The following TOX2 variants were observed in gnomAD, a reference collection of about 807,000 sequenced individuals.
The protein encoded by TOX2 is TOX high mobility group box family member 2.
In TOX2, 15 loss-of-function variants were observed where a neutral mutation model predicts 47.4. The observed-to-expected ratio is 0.32, with a 90% CI of 0.21 to 0.49. The LOEUF is 0.49. TOX2 is among the 20% of genes least tolerant of loss of function. TOX2 has a pLI of 0.99. For missense variants in TOX2, 622 were observed against 673.1 expected, an observed-to-expected ratio of 0.92 and a Z score of 0.84; for synonymous variants, 290 against 296.6, an observed-to-expected ratio of 0.98 and a Z score of 0.23.
At chr20:44,031,409 C>T (rs1366061435) in intron 3 of TOX2, among the ~76,000 whole-genome samples, 1 of 152,106 alleles carries the variant, frequency 6.6e-6, no homozygotes, top group Non-Finnish European at 1.5e-5. Context: ...AGTGGGTGAG[C>T]GCATTAGTAG....
In TOX2 at chr20:43,973,539, G is replaced by A. The variant is rs145184179; in HGVS notation, c.165+107G>A. ...GTGCAGAATGGGGCCAGCACAGCCCGCTGCTGTCTTCTCTCTGAATGATCA... is the reference window on the plus strand; with the variant it reads ...GTGCAGAATGGGGCCAGCACAGCCCACTGCTGTCTTCTCTCTGAATGATCA... On this transcript the variant is annotated intron_variant, in intron 2 of 8. Transcript: ENST00000341197. 1.8e-3 allele frequency: 1,547 copies of A among 878,032 alleles called. 4 individuals carry two copies. The highest frequency in any genetic ancestry group is 2.2e-3 in the Middle Eastern group (7 of 3,188). The allele number at this position is 878,032 out of a possible 1,614,324, so 54.4% of individuals were successfully genotyped here. A position where few individuals can be genotyped will look rare whatever the true frequency, so the allele number is the denominator to read the frequency against.
chr20:43,955,178 C>T lies in TOX2; in HGVS notation c.100-18189C>T, dbSNP rs1206234131. 4.3e-6 allele frequency: 4 copies of T among 938,954 alleles called. No homozygotes were observed. The African/African-American group carries it at 7.1e-5, about 17-fold the overall frequency. The allele number at this position is 938,954 out of a possible 1,614,324, so 58.2% of individuals were successfully genotyped here. The stretch of plus-strand genomic sequence containing the variant: ...GCCTGAGGCTCCACTGAAGCTATGG[C>T]ATAATTTGCAGAATTTGCACTTCAT... On this transcript the variant is annotated intron_variant, in intron 1 of 8. Coordinates refer to ENST00000341197, the MANE Select transcript of TOX2 (RefSeq NM_001098797.2).
chr20:44,038,927 G>A (rs1331118744), intron 3 of TOX2: 34 of 1,182,206 alleles, frequency 2.9e-5, no homozygotes, highest in Non-Finnish European at 3.5e-5. Flanking sequence ...TACATTCACA[G>A]CCGCCTCGTT....
intron 8 of TOX2, among the ~76,000 whole-genome samples, chr20:44,067,630 C>T (rs1411745799): frequency 1.3e-5 from 2 of 152,070 alleles, no homozygotes; most frequent in Non-Finnish European, 2.9e-5. Flanking sequence ...TGTCTCAGGC[C>T]TCTGTTCCTA....
intron 1 of TOX2, among the ~76,000 whole-genome samples, chr20:43,923,172 C>A (rs1352290311): frequency 6.6e-6 from 1 of 152,040 alleles, no homozygotes; most frequent in East Asian, 1.9e-4. Context: ...GGAGTTGGGA[C>A]ACCAGCAGAG....
intron 2 of TOX2, among the ~76,000 whole-genome samples, chr20:43,983,027 T>C (rs1195237962): frequency 1.3e-5 from 2 of 151,850 alleles, no homozygotes; most frequent in East Asian, 3.9e-4. Context: ...CATGAGGTGC[T>C]CCCTGGGGAG....
chr20:43,989,672 C>T (rs950163965), intron 2 of TOX2, among the ~76,000 whole-genome samples: 2 of 151,600 alleles, frequency 1.3e-5, no homozygotes, highest in African/African-American at 4.9e-5. Context: ...CCCAGCTACT[C>T]AGGAGGCTGA....
At chr20:44,033,774 T>G (rs868118335) in intron 3 of TOX2, among the ~76,000 whole-genome samples, 5 of 152,216 alleles carry the variant, frequency 3.3e-5, no homozygotes, top group Middle Eastern at 3.4e-3. Flanking sequence ...TCAGTGAGAC[T>G]CATTTTGGAC....
chr20:44,015,912 CCTGTTAAAA>C (rs1409760937), intron 3 of TOX2, among the ~76,000 whole-genome samples: 1 of 152,086 alleles, frequency 6.6e-6, no homozygotes, highest in African/African-American at 2.4e-5. Context: ...AAATTCACTC[CCTGTTAAAA>C]CTCAGGCCAG....
chr20:44,030,770 A>G (rs2071137903), intron 3 of TOX2, among the ~76,000 whole-genome samples: 1 of 152,224 alleles, frequency 6.6e-6, no homozygotes, highest in South Asian at 2.1e-4. Context: ...GCCTGCTATA[A>G]AGTGACACAT....
intron 1 of TOX2, among the ~76,000 whole-genome samples, chr20:43,929,630 G>C (rs945133120): frequency 3.9e-5 from 6 of 152,172 alleles, no homozygotes; most frequent in African/African-American, 1.4e-4. Flanking sequence ...TCTTCCCAGA[G>C]TCTGACCTGC....
intron 3 of TOX2, among the ~76,000 whole-genome samples, chr20:44,013,365 C>T (rs1053633825): frequency 6.6e-6 from 1 of 152,212 alleles, no homozygotes; most frequent in Admixed American, 6.5e-5. Context: ...CTCCTCCCTG[C>T]AGAAGGCATG....
chr20:44,026,228 G>GATATATATAGATATATATATATAT (rs2071060195), intron 3 of TOX2, among the ~76,000 whole-genome samples: 1 of 60,244 alleles, frequency 1.7e-5, no homozygotes, highest in Non-Finnish European at 3.1e-5. Context: ...AAGAAACTGT[G>GATATATATAGATATATATATATAT]ATATATATAT....
intron 1 of TOX2, among the ~76,000 whole-genome samples, chr20:43,949,353 C>T (rs1438643717): frequency 6.6e-6 from 1 of 152,216 alleles, no homozygotes; most frequent in East Asian, 1.9e-4. Context: ...CTCCCTGCCT[C>T]CACCCTTCCT....
chr20:44,068,053 A>G (rs1009046994), intron 8 of TOX2, among the ~76,000 whole-genome samples: 2 of 152,138 alleles, frequency 1.3e-5, no homozygotes, highest in Non-Finnish European at 2.9e-5. Flanking sequence ...CATTTCTGAC[A>G]TGCCTGAAGT....
chr20:44,012,455 A>G (rs559129986), intron 3 of TOX2, among the ~76,000 whole-genome samples: 2 of 152,326 alleles, frequency 1.3e-5, no homozygotes, highest in South Asian at 2.1e-4. Context: ...CAGTAGCTAT[A>G]GATTCTGCTG....
chr20:43,935,927 C>CAAA (rs58300627), intron 1 of TOX2, among the ~76,000 whole-genome samples: 37 of 71,984 alleles, frequency 5.1e-4, no homozygotes, highest in South Asian at 1.3e-3. Flanking sequence ...AACTCCATCC[C>CAAA]AAAAAAAAAA....
At chr20:43,938,995 A>T (rs2069366205) in intron 1 of TOX2, among the ~76,000 whole-genome samples, 3 of 152,006 alleles carry the variant, frequency 2.0e-5, no homozygotes, top group Admixed American at 2.0e-4. Context: ...CCTTAGCTGG[A>T]AGTTGAGGGT....
chr20:44,013,475 T>C (rs1479725265), intron 3 of TOX2, among the ~76,000 whole-genome samples: 2 of 152,208 alleles, frequency 1.3e-5, no homozygotes, highest in Non-Finnish European at 2.9e-5. Context: ...CCTCTGGTCT[T>C]CTGAAACACA....
Sources: gnomAD v4.1 joint callset for allele counts (sites outside exome capture counted in the v4.1 genomes callset) on GRCh38, gnomAD v4.1.1 for gene constraint, MANE v1.5 for transcripts, NCBI Gene and HGNC (gene_info 2026-07-23, HGNC 2026-07-21) for gene names.